GABRA1: variants seen among roughly 807,000 people sequenced by gnomAD.
GABRA1 encodes gamma-aminobutyric acid type A receptor subunit alpha1, also known as gamma-aminobutyric acid receptor subunit alpha-1.
Under a neutral mutation model 48.9 loss-of-function variants are expected in GABRA1, and 9 were observed. That is an observed-to-expected ratio of 0.18 (90% CI 0.11 to 0.32). The LOEUF is 0.32. Ranked by LOEUF, GABRA1 falls within the 10% of genes least tolerant of loss-of-function variation. GABRA1 has a pLI of 1.00. For synonymous variants in GABRA1, 210 were observed against 198.7 expected, an observed-to-expected ratio of 1.06 and a Z score of -0.48; for missense variants, 285 against 553.8, an observed-to-expected ratio of 0.51 and a Z score of 4.87.
intron 3 of GABRA1, among the ~76,000 whole-genome samples, chr5:161,854,931 C>T (rs1023308756): frequency 6.6e-6 from 1 of 151,492 alleles, no homozygotes; most frequent in African/African-American, 2.4e-5. Flanking sequence ...GAATTGCACA[C>T]ATTTGAATAA....
Position 161,870,946 on chromosome 5 carries a change from CTGTGTGTGTG to C in GABRA1, c.256-2130_256-2121del, listed in dbSNP as rs59726286. ...TGAAGATTAACCAGCGAGTGTTGCT[CTGTGTGTGTG>C]TGTGTGTGTGTGTGTGTGTGTGTGT... On this transcript the variant is annotated intron_variant, in intron 4 of 9. Coordinates refer to ENST00000393943, the MANE Select transcript of GABRA1 (RefSeq NM_001127644.2). 4.8e-3 allele frequency among the ~76,000 whole-genome samples: 680 copies of C among 141,490 alleles called. 6 individuals are homozygous for C. The highest frequency in any genetic ancestry group is 0.011 in the African/African-American group (401 of 36,518). The allele number at this position is 141,490 out of a possible 152,430, so 92.8% of individuals were successfully genotyped here.
intron 6 of GABRA1, among the ~76,000 whole-genome samples, chr5:161,876,405 G>T (rs983950137): frequency 6.6e-6 from 1 of 152,098 alleles, no homozygotes; most frequent in African/African-American, 2.4e-5. Flanking sequence ...TTGGTTTCCT[G>T]CAGGGGAGTT....
intron 5 of GABRA1, 138 bp downstream of exon 5, chr5:161,873,475 C>T: frequency 1.3e-6 from 1 of 749,448 alleles, no homozygotes; most frequent in Non-Finnish European, 2.4e-6. Context: ...AAAAATCTCT[C>T]CAACCTGTTC....
chr5:161,866,138 G>A (rs1005042044), intron 4 of GABRA1, among the ~76,000 whole-genome samples: 1 of 151,878 alleles, frequency 6.6e-6, no homozygotes, highest in African/African-American at 2.4e-5. Context: ...GCTGTTTTCA[G>A]GCAACCAGAA....
At chr5:161,879,162 G>T (rs1754499096) in intron 6 of GABRA1, among the ~76,000 whole-genome samples, 1 of 152,174 alleles carries the variant, frequency 6.6e-6, no homozygotes, top group South Asian at 2.1e-4. Flanking sequence ...AGGCTGGAGT[G>T]CAGTGGCACA....
intron 7 of GABRA1, among the ~76,000 whole-genome samples, chr5:161,885,325 C>T (rs1159692081): frequency 6.6e-6 from 1 of 152,042 alleles, no homozygotes; most frequent in Admixed American, 6.6e-5. Flanking sequence ...CTTTGTGGAG[C>T]CCTGAAAACA....
At chr5:161,851,777 A>G (rs1200571826) in intron 2 of GABRA1, among the ~76,000 whole-genome samples, 2 of 152,126 alleles carry the variant, frequency 1.3e-5, no homozygotes, top group African/African-American at 4.8e-5. Context: ...GTTTTTTGCT[A>G]TTGTGTATGG....
At chr5:161,883,575 C>A (rs1291371680) in intron 7 of GABRA1, among the ~76,000 whole-genome samples, 1 of 152,078 alleles carries the variant, frequency 6.6e-6, no homozygotes, top group African/African-American at 2.4e-5. Flanking sequence ...TTACTGAAAG[C>A]TTTAACGAGG....
chr5:161,859,886 T>C (rs1453665673), intron 3 of GABRA1, among the ~76,000 whole-genome samples: 1 of 151,850 alleles, frequency 6.6e-6, no homozygotes, highest in African/African-American at 2.4e-5. Flanking sequence ...TTGTTTTTGC[T>C]GTGTTTACTT....
intron 3 of GABRA1, among the ~76,000 whole-genome samples, chr5:161,857,823 A>G (rs4263535): frequency 0.28 from 42,183 of 151,380 alleles, 7,596 homozygotes; most frequent in African/African-American, 0.5. Flanking sequence ...GTCCATAATC[A>G]CTTTATTTGG....
chr5:161,888,289 A>G (rs1455043035), intron 7 of GABRA1, among the ~76,000 whole-genome samples: 8 of 152,074 alleles, frequency 5.3e-5, no homozygotes, highest in African/African-American at 1.2e-4. Context: ...TTTTAAAGCT[A>G]TTACAACATG....
chr5:161,854,535 G>C (rs112228407), intron 3 of GABRA1, among the ~76,000 whole-genome samples: 3 of 151,766 alleles, frequency 2.0e-5, no homozygotes, highest in East Asian at 3.9e-4. Context: ...TCTGTGTAAC[G>C]ATTTTATCAT....
intron 4 of GABRA1, among the ~76,000 whole-genome samples, chr5:161,871,798 G>A (rs76148745): frequency 0.01 from 1,596 of 152,188 alleles, 30 homozygotes; most frequent in African/African-American, 0.036. Flanking sequence ...GTCTGTCACC[G>A]GATTACACCT....
At chr5:161,876,378 G>A (rs1754355112) in intron 6 of GABRA1, among the ~76,000 whole-genome samples, 1 of 152,116 alleles carries the variant, frequency 6.6e-6, no homozygotes, top group Non-Finnish European at 1.5e-5. Context: ...CATGGAGTGA[G>A]TGGGAATAAT....
Position 161,850,818 on chromosome 5 carries a change from A to G in GABRA1, c.8A>G (p.Lys3Arg), listed in dbSNP as rs111452646. The change falls in exon 2 of 10, where the codon AAA becomes AGA. Residue 3 changes from lysine to arginine, a missense_variant. This residue lies in a region of GABRA1 where 45 missense variants were observed against 39.9 expected (regional missense o/e 1.13). Transcript: ENST00000393943. Reference sequence around the variant, plus strand: ...CAGCTGCTCCAGCCCGCGATGAGGAAAAGTCCAGGTCTGTCTGACTGTCTT... The same window carrying G: ...CAGCTGCTCCAGCCCGCGATGAGGAGAAGTCCAGGTCTGTCTGACTGTCTT... MRKSPGLSDCLWA... is the reference protein window; with the variant it reads MRRSPGLSDCLWA... 8.1e-6 allele frequency: 13 copies of G among 1,614,150 alleles called. 1 individual carries two copies. In the African/African-American group the frequency reaches 1.3e-4, roughly 17 times the overall value.
rs150893215 is a variant in GABRA1, at chr5:161,889,161, G to A, written c.704-1737G>A. Among the ~76,000 whole-genome samples the A allele has an allele frequency of 3.6e-3, 546 of 152,144 alleles. 2 individuals are homozygous for A. The highest frequency in any genetic ancestry group is 0.012 in the African/African-American group (513 of 41,558). On this transcript the variant is annotated intron_variant, in intron 7 of 9. Coordinates refer to ENST00000393943, the MANE Select transcript of GABRA1 (RefSeq NM_001127644.2). ...TAATAATGAAAGCAGGCATAAGTGC[G>A]TAGATAATTTCCTGCTACAGAAAGC...
At chr5:161,890,454 G>T (rs1158007552) in intron 7 of GABRA1, among the ~76,000 whole-genome samples, 1 of 152,052 alleles carries the variant, frequency 6.6e-6, no homozygotes, top group Non-Finnish European at 1.5e-5. Context: ...AAATTAAACT[G>T]TCCTGATGTA....
intron 7 of GABRA1, among the ~76,000 whole-genome samples, chr5:161,885,505 A>G (rs994392059): frequency 5.3e-5 from 8 of 152,154 alleles, no homozygotes; most frequent in African/African-American, 1.9e-4. Flanking sequence ...TAGTTTAGAA[A>G]GTGCTACTTA....
intron 4 of GABRA1, among the ~76,000 whole-genome samples, chr5:161,867,357 C>T (rs1753913528): frequency 6.6e-6 from 1 of 152,110 alleles, no homozygotes; most frequent in African/African-American, 2.4e-5. Context: ...GATTTTGCCA[C>T]TCTCTGTCAC....
Sources: gnomAD v4.1 joint callset for allele counts (sites outside exome capture counted in the v4.1 genomes callset) on GRCh38, gnomAD v4.1.1 for gene constraint, gnomAD v4.1.1 regional missense constraint, MANE v1.5 for transcripts, NCBI Gene and HGNC (gene_info 2026-07-23, HGNC 2026-07-21) for gene names.